KCNAB1: variants seen among roughly 807,000 people sequenced by gnomAD.
KCNAB1 encodes voltage-gated potassium channel subunit beta-1.
Under a neutral mutation model 64.6 loss-of-function variants are expected in KCNAB1, and 35 were observed. The ratio of observed to expected loss-of-function variants is 0.54; its 90% CI spans 0.41 to 0.72. The LOEUF is 0.72. Among genes scored for constraint, KCNAB1 ranks in the 30% least tolerant of loss-of-function variants. The pLI, the probability that KCNAB1 is intolerant of heterozygous loss-of-function variation, is 0.00. For missense variants in KCNAB1, 401 were observed against 512.9 expected, an observed-to-expected ratio of 0.78 and a Z score of 2.11; for synonymous variants, 177 against 183.8, an observed-to-expected ratio of 0.96 and a Z score of 0.30.
chr3:156,138,092 T>C (rs535623859), intron 1 of KCNAB1, among the ~76,000 whole-genome samples: 1 of 152,346 alleles, frequency 6.6e-6, no homozygotes, highest in African/African-American at 2.4e-5. Flanking sequence ...CATTGTGTTT[T>C]GTTAACACAA....
chr3:156,167,837 C>T (rs961790380), intron 1 of KCNAB1, among the ~76,000 whole-genome samples: 1 of 152,162 alleles, frequency 6.6e-6, no homozygotes, highest in Non-Finnish European at 1.5e-5. Context: ...GGCACAGCCT[C>T]TTAGGATCTC....
intron 1 of KCNAB1, among the ~76,000 whole-genome samples, chr3:156,178,699 T>C (rs540586969): frequency 1.7e-4 from 26 of 152,364 alleles, no homozygotes; most frequent in Non-Finnish European, 3.5e-4. Flanking sequence ...TAAAATTGTT[T>C]CTCAAGATTT....
intron 1 of KCNAB1, among the ~76,000 whole-genome samples, chr3:156,349,877 T>C (rs77502066): frequency 0.024 from 3,712 of 152,300 alleles, 71 homozygotes; most frequent in African/African-American, 0.061. Flanking sequence ...TTTTCTTATT[T>C]AATTTTCATT....
chr3:156,208,182 C>T (rs1254379353), intron 1 of KCNAB1, among the ~76,000 whole-genome samples: 1 of 152,178 alleles, frequency 6.6e-6, no homozygotes, highest in Non-Finnish European at 1.5e-5. Context: ...GAACTTCCTG[C>T]ATCCTAGTTT....
intron 1 of KCNAB1, among the ~76,000 whole-genome samples, chr3:156,199,672 C>A (rs942538860): frequency 1.3e-5 from 2 of 152,158 alleles, no homozygotes; most frequent in African/African-American, 4.8e-5. Flanking sequence ...TCCATCAGGT[C>A]ATTTATGTTC....
intron 1 of KCNAB1, among the ~76,000 whole-genome samples, chr3:156,263,770 C>T (rs1189587298): frequency 6.6e-6 from 1 of 152,096 alleles, no homozygotes; most frequent in Non-Finnish European, 1.5e-5. Context: ...ATACCTAATA[C>T]AATGTAAATG....
At chr3:156,270,713 A>G (rs1258995337) in intron 1 of KCNAB1, among the ~76,000 whole-genome samples, 1 of 152,230 alleles carries the variant, frequency 6.6e-6, no homozygotes, top group African/African-American at 2.4e-5. Context: ...TACTTAAGAT[A>G]TGAGTAGTTT....
chr3:156,501,030 G>A (rs1024037607), intron 8 of KCNAB1, among the ~76,000 whole-genome samples: 26 of 152,184 alleles, frequency 1.7e-4, no homozygotes, highest in African/African-American at 3.9e-4. Flanking sequence ...AGGCCTTTCC[G>A]TCTCTACTAG....
chr3:156,242,078 C>T (rs942597579), intron 1 of KCNAB1, among the ~76,000 whole-genome samples: 1 of 152,146 alleles, frequency 6.6e-6, no homozygotes, highest in Non-Finnish European at 1.5e-5. Context: ...CTCTTTTTGG[C>T]TCTACTATTC....
At chr3:156,143,195 C>T (rs1471902004) in intron 1 of KCNAB1, 1 of 1,609,322 alleles carries the variant, frequency 6.2e-7, no homozygotes, top group Non-Finnish European at 8.5e-7. Flanking sequence ...CTGTATAAAC[C>T]TGCCTGTGCA....
intron 1 of KCNAB1, among the ~76,000 whole-genome samples, chr3:156,121,310 G>A (rs905904247): frequency 2.0e-5 from 3 of 152,182 alleles, no homozygotes; most frequent in African/African-American, 4.8e-5. Context: ...GAAAAGTGGA[G>A]TTGAGTAGTG....
At chr3:156,146,767 T>G (rs772639874) in intron 1 of KCNAB1, among the ~76,000 whole-genome samples, 1 of 152,202 alleles carries the variant, frequency 6.6e-6, no homozygotes, top group Admixed American at 6.5e-5. Context: ...AATTTTATAG[T>G]TTTTGCATAT....
intron 1 of KCNAB1, among the ~76,000 whole-genome samples, chr3:156,172,004 A>G (rs1309614097): frequency 6.6e-6 from 1 of 152,226 alleles, no homozygotes; most frequent in African/African-American, 2.4e-5. Context: ...CACACCTTCT[A>G]AATGCATTTC....
At chr3:156,439,192 C>CA (rs34540022) in intron 2 of KCNAB1, among the ~76,000 whole-genome samples, 4,285 of 132,044 alleles carry the variant, frequency 0.032, 119 homozygotes, top group Admixed American at 0.082. Flanking sequence ...TGTAAATTCT[C>CA]AAAAAAAAAA....
chr3:156,435,549 A>T (rs986305942), intron 2 of KCNAB1, among the ~76,000 whole-genome samples: 2 of 152,200 alleles, frequency 1.3e-5, no homozygotes, highest in Non-Finnish European at 2.9e-5. Flanking sequence ...AAGGACAGTG[A>T]ATCAATGGAC....
rs371199985 is a variant in KCNAB1 at position 156,523,889 on chromosome 3, A to G, written c.1023A>G (p.Leu341=). 33 of 1,613,950 alleles carry G rather than the reference A, an allele frequency of 2.0e-5. No individual in the cohort carries two copies. In the African/African-American group the frequency reaches 4.0e-4, roughly 20 times the overall value. The change falls in exon 12 of 14, where the codon CTA becomes CTG. Residue 341 remains leucine, a synonymous_variant. Coordinates refer to ENST00000490337, the MANE Select transcript of KCNAB1 (RefSeq NM_172160.3). ...SEEGRKQQNK[L]KDLSPIAERL... ...AAGGGAGAAAACAGCAAAACAAGCT[A>G]AAAGACCTTTCCCCAATTGCGGAGC...
intron 1 of KCNAB1, among the ~76,000 whole-genome samples, chr3:156,299,095 T>C (rs970062117): frequency 2.0e-5 from 3 of 152,252 alleles, no homozygotes; most frequent in Non-Finnish European, 4.4e-5. Context: ...CCCATGAAGT[T>C]GGGCAGAGGG....
intron 1 of KCNAB1, among the ~76,000 whole-genome samples, chr3:156,149,823 T>C (rs1311805640): frequency 6.6e-6 from 1 of 152,156 alleles, no homozygotes; most frequent in Non-Finnish European, 1.5e-5. Context: ...CTTACTTTCA[T>C]CCTCCCAGGA....
intron 1 of KCNAB1, among the ~76,000 whole-genome samples, chr3:156,163,223 CA>C (rs1716184385): frequency 6.6e-6 from 1 of 152,120 alleles, no homozygotes; most frequent in Non-Finnish European, 1.5e-5. Context: ...CTGTGCTGGG[CA>C]GTGCAGATAT....
Sources: allele counts gnomAD v4.1 joint callset (sites outside exome capture counted in the v4.1 genomes callset), GRCh38; gene constraint gnomAD v4.1.1; transcripts MANE v1.5; gene names NCBI Gene and HGNC (gene_info 2026-07-23, HGNC 2026-07-21).